Variants in NOVA1 observed in about 807,000 individuals in gnomAD.
NOVA1 encodes the protein RNA-binding protein Nova-1.
A neutral mutation model predicts 38.0 loss-of-function variants in NOVA1; 7 were observed. The observed-to-expected ratio is 0.18, with a 90% CI of 0.10 to 0.35. The LOEUF (loss-of-function observed/expected upper bound fraction) is 0.35. NOVA1 is among the 10% of genes least tolerant of loss of function. The pLI is 1.00. For missense variants in NOVA1, 460 were observed against 616.0 expected (o/e 0.75, Z 2.68); for synonymous variants, 270 against 232.5 (o/e 1.16, Z -1.47).
At chr14:26,473,274 ATGTC>A (rs1165302563) in intron 3 of NOVA1, among the ~76,000 whole-genome samples, 1 of 151,592 alleles carries the variant, frequency 6.6e-6, no homozygotes, top group Non-Finnish European at 1.5e-5. Flanking sequence ...AAAAGTTCTT[ATGTC>A]TAACAGAAAT....
intron 2 of NOVA1, among the ~76,000 whole-genome samples, chr14:26,502,416 T>C (rs1231312993): frequency 6.6e-6 from 1 of 151,886 alleles, no homozygotes; most frequent in African/African-American, 2.4e-5. Context: ...AAAATATAAA[T>C]CCATTTTTTA....
intron 2 of NOVA1, among the ~76,000 whole-genome samples, chr14:26,542,176 T>A (rs1890504970): frequency 6.6e-6 from 1 of 151,922 alleles, no homozygotes; most frequent in Non-Finnish European, 1.5e-5. Context: ...TGGGCTATTA[T>A]ATGGCAAGTT....
chr14:26,470,803 T>A (rs1884527444), intron 4 of NOVA1, among the ~76,000 whole-genome samples: 1 of 152,104 alleles, frequency 6.6e-6, no homozygotes, highest in Non-Finnish European at 1.5e-5. Context: ...GTTTTTTACC[T>A]TGAGAAAAAT....
chr14:26,483,734 C>G (rs1003466409), intron 2 of NOVA1, among the ~76,000 whole-genome samples: 1 of 151,978 alleles, frequency 6.6e-6, no homozygotes, highest in Non-Finnish European at 1.5e-5. Context: ...TAAACGATAC[C>G]ATAAGGAAGC....
intron 2 of NOVA1, among the ~76,000 whole-genome samples, chr14:26,493,072 G>C (rs544537751): frequency 1.3e-5 from 2 of 152,122 alleles, no homozygotes; most frequent in Non-Finnish European, 2.9e-5. Flanking sequence ...CAACTCATTT[G>C]CTAAAAATTA....
intron 4 of NOVA1, among the ~76,000 whole-genome samples, chr14:26,449,325 T>C (rs1310726697): frequency 1.3e-5 from 2 of 152,148 alleles, no homozygotes; most frequent in Non-Finnish European, 2.9e-5. Context: ...TGTTGATGAT[T>C]CTTCACCTAT....
At chr14:26,532,431 C>T (rs971889465) in intron 2 of NOVA1, among the ~76,000 whole-genome samples, 4 of 152,060 alleles carry the variant, frequency 2.6e-5, no homozygotes, top group Non-Finnish European at 4.4e-5. Context: ...AGACACAAGG[C>T]TACATAATGT....
At chr14:26,491,749 T>C (rs942513714) in intron 2 of NOVA1, among the ~76,000 whole-genome samples, 2 of 152,202 alleles carry the variant, frequency 1.3e-5, no homozygotes, top group African/African-American at 4.8e-5. Flanking sequence ...CAAAAATCAA[T>C]TGGCTATAGT....
rs562400066 is a variant in NOVA1 at position 26,582,014 on chromosome 14, T to C, written c.280+13396A>G. Among the ~76,000 whole-genome samples the C allele has an allele frequency of 5.3e-5, 8 of 151,950 alleles. No individual in the cohort carries two copies. The East Asian group carries it at 1.5e-3, about 29-fold the overall frequency. On this transcript the variant is annotated intron_variant, in intron 2 of 4. Coordinates refer to ENST00000539517, the MANE Select transcript of NOVA1 (RefSeq NM_002515.3). ...AGCCATAACTGATCAACAAGTAACT[T>C]TTAGTTGTATAGTCTAAAGAATTTA...
At chr14:26,590,095 G>A (rs1354508219) in intron 2 of NOVA1, among the ~76,000 whole-genome samples, 1 of 151,808 alleles carries the variant, frequency 6.6e-6, no homozygotes, top group African/African-American at 2.4e-5. Flanking sequence ...CTGAACAAGT[G>A]ACAACTAACC....
chr14:26,485,587 A>T (rs1291331944), intron 2 of NOVA1, among the ~76,000 whole-genome samples: 1 of 152,142 alleles, frequency 6.6e-6, no homozygotes, highest in East Asian at 1.9e-4. Flanking sequence ...AAAGTGCTAT[A>T]AAAAACTGTT....
intron 2 of NOVA1, among the ~76,000 whole-genome samples, chr14:26,509,634 G>C (rs1385482069): frequency 6.6e-6 from 1 of 152,120 alleles, no homozygotes; most frequent in East Asian, 1.9e-4. Flanking sequence ...TGTAAAGATG[G>C]AGGAGACATT....
chr14:26,468,420 T>C (rs1337571211), intron 4 of NOVA1, among the ~76,000 whole-genome samples: 1 of 152,116 alleles, frequency 6.6e-6, no homozygotes, highest in Non-Finnish European at 1.5e-5. Context: ...CAACACTGAT[T>C]GCAGCCCTGT....
At chr14:26,535,902 C>T (rs915878889) in intron 2 of NOVA1, among the ~76,000 whole-genome samples, 1 of 150,788 alleles carries the variant, frequency 6.6e-6, no homozygotes, top group Non-Finnish European at 1.5e-5. Flanking sequence ...TGGTGTGAAC[C>T]TGGGAGGCAG....
chr14:26,535,849 G>T (rs2138574236), intron 2 of NOVA1, among the ~76,000 whole-genome samples: 1 of 151,932 alleles, frequency 6.6e-6, no homozygotes, highest in Non-Finnish European at 1.5e-5. Flanking sequence ...CGTGGTGGTG[G>T]GCGCCTGTAG....
At chr14:26,574,687 T>C (rs1251967153) in intron 2 of NOVA1, among the ~76,000 whole-genome samples, 1 of 152,160 alleles carries the variant, frequency 6.6e-6, no homozygotes, top group African/African-American at 2.4e-5. Context: ...ACCCTTTTTG[T>C]TTGTTTTAGA....
chr14:26,563,539 T>C (rs908738747), intron 2 of NOVA1, among the ~76,000 whole-genome samples: 4 of 151,626 alleles, frequency 2.6e-5, no homozygotes, highest in Non-Finnish European at 4.4e-5. Context: ...AGCCCTATGA[T>C]CAGTGATACA....
chr14:26,492,508 T>C (rs1886421513), intron 2 of NOVA1, among the ~76,000 whole-genome samples: 1 of 152,208 alleles, frequency 6.6e-6, no homozygotes, highest in Non-Finnish European at 1.5e-5. Context: ...AAATTCCTTT[T>C]ACCATTTTAA....
At chr14:26,532,130 G>A (rs1238083842) in intron 2 of NOVA1, among the ~76,000 whole-genome samples, 2 of 152,058 alleles carry the variant, frequency 1.3e-5, no homozygotes, top group Non-Finnish European at 2.9e-5. Context: ...AACCCCTCCT[G>A]GTGGTTTTTC....
Sources: gnomAD v4.1 joint callset for allele counts (sites outside exome capture counted in the v4.1 genomes callset) on GRCh38, gnomAD v4.1.1 for gene constraint, MANE v1.5 for transcripts, NCBI Gene and HGNC (gene_info 2026-07-23, HGNC 2026-07-21) for gene names.